Variants in AGXT2 observed in about 807,000 individuals in gnomAD.
The protein encoded by AGXT2 is alanine--glyoxylate aminotransferase 2, mitochondrial.
AGXT2 carries 61 observed loss-of-function variants against 62.5 expected under a neutral mutation model. The observed-to-expected ratio is 0.98, with a 90% confidence interval of 0.79 to 1.21. The LOEUF (loss-of-function observed/expected upper bound fraction) is 1.21, where lower values mean the gene tolerates loss of function less well. Among genes scored for constraint, AGXT2 ranks in the 50% most tolerant of loss-of-function variants. The pLI, the probability that AGXT2 is intolerant of heterozygous loss-of-function variation, is 0.00. For missense variants in AGXT2, 666 were observed against 641.5 expected (o/e 1.04, Z -0.41); for synonymous variants, 243 against 218.7 (o/e 1.11, Z -0.98).
intron 7 of AGXT2, 149 bp downstream of exon 7, chr5:35,032,583 T>C (rs768708759): frequency 4.5e-5 from 33 of 732,402 alleles, no homozygotes; most frequent in Non-Finnish European, 7.0e-5. Flanking sequence ...CAATGAGGAA[T>C]AACTTGGTTA....
intron 3 of AGXT2, among the ~76,000 whole-genome samples, chr5:35,038,442 C>T (rs551456134): frequency 6.6e-6 from 1 of 152,296 alleles, no homozygotes; most frequent in South Asian, 2.1e-4. Flanking sequence ...GAAATTGCAT[C>T]TGAAATTTGT....
At chr5:35,011,409 A>T (rs1766632383) in intron 11 of AGXT2, among the ~76,000 whole-genome samples, 1 of 151,110 alleles carries the variant, frequency 6.6e-6, no homozygotes, top group Non-Finnish European at 1.5e-5. Context: ...GCAGTGAGCC[A>T]AAGTTGTGCC....
rs56191507 is a variant in AGXT2, at chr5:34,998,133, CA to C, written c.*585del. 30,279 of 156,450 alleles carry C rather than the reference CA, an allele frequency of 0.19. 3,532 individuals carry two copies. The highest frequency in any genetic ancestry group is 0.42 in the East Asian group (2,199 of 5,264). 9.7% of individuals were successfully genotyped at this position (156,450 alleles called of 1,614,324 possible). Reference sequence around the variant, plus strand: ...ACAATGAATTTATTACCTCAAATATCAAGAGGCCCTGAGGTAGGGTGGCTCC... The same window carrying C: ...ACAATGAATTTATTACCTCAAATATCAGAGGCCCTGAGGTAGGGTGGCTCC... On this transcript the variant is annotated 3_prime_UTR_variant, in exon 14 of 14. Coordinates refer to ENST00000231420, the MANE Select transcript of AGXT2 (RefSeq NM_031900.4).
chr5:35,009,998 A>T lies in AGXT2; in HGVS notation c.1338+2T>A, dbSNP rs1321665558. On this transcript the variant is annotated splice_donor_variant, in intron 12 of 13. Coordinates refer to ENST00000231420, the MANE Select transcript of AGXT2 (RefSeq NM_031900.4). LOFTEE classifies it high-confidence loss of function. ...GAGAGAGAGGGGCAGATTAGCACCTACCTTATCCTGCACCATTTCTATGCC... is the reference window on the plus strand; with the variant it reads ...GAGAGAGAGGGGCAGATTAGCACCTTCCTTATCCTGCACCATTTCTATGCC... The T allele has an allele frequency of 1.2e-6, 2 of 1,614,148 alleles. No individual in the cohort carries two copies. Among genetic ancestry groups the T allele is most frequent in the Non-Finnish European group, 1.7e-6 (2 of 1,180,022 alleles).
chr5:35,040,872 C>G (rs1011110654), intron 1 of AGXT2, among the ~76,000 whole-genome samples: 1 of 147,108 alleles, frequency 6.8e-6, no homozygotes, highest in Non-Finnish European at 1.5e-5. Context: ...CAAATATAGT[C>G]TGGAAAAAAA....
At chr5:35,042,482 A>AT (rs1408275980) in intron 1 of AGXT2, among the ~76,000 whole-genome samples, 1 of 152,188 alleles carries the variant, frequency 6.6e-6, no homozygotes, top group Non-Finnish European at 1.5e-5. Context: ...ATTGACTGTC[A>AT]TATCACTCCT....
intron 13 of AGXT2, among the ~76,000 whole-genome samples, chr5:34,999,353 T>G (rs1473530564): frequency 1.3e-5 from 2 of 152,146 alleles, no homozygotes; most frequent in Non-Finnish European, 2.9e-5. Flanking sequence ...GGTCTATTGC[T>G]CCACTCAGGT....
At position 35,025,749 on chromosome 5, in the gene AGXT2, T is replaced by C; in HGVS notation, c.963+14A>G. On this transcript the variant is annotated intron_variant, in intron 9 of 13. Coordinates refer to ENST00000231420, the MANE Select transcript of AGXT2 (RefSeq NM_031900.4). The stretch of plus-strand genomic sequence containing the variant: ...TTCCCACTGCACTCAATGGCACCCT[T>C]ACATGCCACTTACTTCATCTGCAAT... 6.2e-7 allele frequency: 1 copy of C among 1,613,552 alleles called. No homozygotes were observed. The highest frequency in any genetic ancestry group is 1.1e-5 in the South Asian group (1 of 91,050).
chr5:35,021,305 C>G (rs1326309990), intron 9 of AGXT2, among the ~76,000 whole-genome samples: 1 of 152,058 alleles, frequency 6.6e-6, no homozygotes, highest in African/African-American at 2.4e-5. Context: ...AGGCATCACA[C>G]TACCTGACTT....
intron 1 of AGXT2, among the ~76,000 whole-genome samples, chr5:35,044,176 TC>T (rs1280430502): frequency 6.6e-6 from 1 of 152,174 alleles, no homozygotes; most frequent in Non-Finnish European, 1.5e-5. Context: ...AGTTTTGAAG[TC>T]CCTCACTGAT....
intron 7 of AGXT2, among the ~76,000 whole-genome samples, chr5:35,030,897 T>C (rs946128282): frequency 3.3e-4 from 50 of 152,246 alleles, no homozygotes; most frequent in African/African-American, 1.2e-3. Flanking sequence ...TGCTATGGTC[T>C]GTTTTTCTCT....
intron 9 of AGXT2, among the ~76,000 whole-genome samples, chr5:35,020,333 T>A (rs1420082564): frequency 1.1e-4 from 17 of 152,204 alleles, no homozygotes; most frequent in Admixed American, 9.2e-4. Flanking sequence ...AATAAAATAC[T>A]GGCAAAACGA....
Position 35,033,578 on chromosome 5 carries a change from A to T in AGXT2, c.582-25T>A, listed in dbSNP as rs199967737. 2.1e-5 allele frequency: 34 copies of T among 1,589,366 alleles called. No individual in the cohort carries two copies. In the Middle Eastern group the frequency reaches 5.1e-4, roughly 24 times the overall value. On this transcript the variant is annotated intron_variant, in intron 5 of 13. Coordinates refer to ENST00000231420, the MANE Select transcript of AGXT2 (RefSeq NM_031900.4). ...TCTGCAGAGAAGAAACAACAGGAGG[A>T]TGGGGTCAAGTTCCTGGTCCACTGA...
intron 10 of AGXT2, among the ~76,000 whole-genome samples, chr5:35,013,505 T>C (rs1162241412): frequency 2.0e-5 from 3 of 151,916 alleles, no homozygotes; most frequent in Admixed American, 1.3e-4. Context: ...GGCTTTCGGA[T>C]AGGGGTGCAG....
At chr5:35,026,338 A>G in intron 8 of AGXT2, 72 bp downstream of exon 8, 1 of 1,235,670 alleles carries the variant, frequency 8.1e-7, no homozygotes, top group Non-Finnish European at 1.2e-6. Context: ...GGAATTCTCT[A>G]GAATATATGA....
rs962984612 is a variant in AGXT2 at position 35,035,059 on chromosome 5, C to T, written c.581+163G>A. Reference sequence around the variant, plus strand: ...ATCAGGCCAACTTGAATGGTGTTATCCTGTCATAAAATTCAATTGACCTAT... The same window carrying T: ...ATCAGGCCAACTTGAATGGTGTTATTCTGTCATAAAATTCAATTGACCTAT... On this transcript the variant is annotated intron_variant, in intron 5 of 13. Transcript: ENST00000231420. Among the ~76,000 whole-genome samples, 13 of 152,282 alleles carry T rather than the reference C, an allele frequency of 8.5e-5. No individual in the cohort carries two copies. The South Asian group carries it at 2.3e-3, about 27-fold the overall frequency.
At chr5:35,025,957 C>T in intron 8 of AGXT2, 102 bp from the exon 9 acceptor site, 2 of 976,624 alleles carry the variant, frequency 2.0e-6, no homozygotes, top group Non-Finnish European at 3.2e-6. Context: ...ATGACAGTAA[C>T]ACTAGCAATT....
rs1580598136 is a variant in AGXT2 at position 35,028,595 on chromosome 5, GAGAGAGAGAGAGAGAGAGAGAGAGAAA to G, written c.770-2112_770-2086del. Among the ~76,000 whole-genome samples, 156 of 127,106 alleles carry G rather than the reference GAGAGAGAGAGAGAGAGAGAGAGAGAAA, an allele frequency of 1.2e-3. 2 individuals are homozygous for G. Among genetic ancestry groups the G allele is most frequent in the African/African-American group, 1.9e-3 (72 of 38,416 alleles). 83.4% of individuals were successfully genotyped at this position (127,106 alleles called of 152,430 possible). On this transcript the variant is annotated intron_variant, in intron 7 of 13. Transcript: ENST00000231420. ...AGAGAGAGAGAGAGAGAGAGAGAGA[GAGAGAGAGAGAGAGAGAGAGAGAGAAA>G]TTCTTCTACTCTGGAATAACAAAGG...
chr5:35,036,903 C>A, intron 4 of AGXT2, 39 bp downstream of exon 4: 7 of 1,610,800 alleles, frequency 4.3e-6, no homozygotes, highest in South Asian at 1.1e-5. Context: ...CTTTTTTTTT[C>A]CCCCATAACA....
Sources: gnomAD v4.1 joint callset for allele counts (sites outside exome capture counted in the v4.1 genomes callset) on GRCh38, gnomAD v4.1.1 for gene constraint, MANE v1.5 for transcripts, NCBI Gene and HGNC (gene_info 2026-07-23, HGNC 2026-07-21) for gene names.